The following SOX5 variants were observed in gnomAD, a reference collection of about 807,000 sequenced individuals.
The protein encoded by SOX5 is transcription factor SOX-5.
SOX5 carries 9 observed loss-of-function variants against 92.0 expected under a neutral mutation model. The observed-to-expected ratio is 0.10, with a 90% confidence interval of 0.06 to 0.17. The LOEUF is 0.17. Among genes scored for constraint, SOX5 ranks in the 10% least tolerant of loss-of-function variants. SOX5 has a pLI of 1.00. For missense variants in SOX5, 642 were observed against 944.5 expected (o/e 0.68, Z 4.20); for synonymous variants, 344 against 336.3 (o/e 1.02, Z -0.25).
intron 2 of SOX5, among the ~76,000 whole-genome samples, chr12:23,851,378 T>G (rs546183266): frequency 6.6e-6 from 1 of 152,168 alleles, no homozygotes; most frequent in Non-Finnish European, 1.5e-5. Flanking sequence ...TTTTCCAATA[T>G]TAATGTTCCT....
At chr12:24,274,720 T>C (rs1944232683) in intron 3 of SOX5, among the ~76,000 whole-genome samples, 1 of 151,782 alleles carries the variant, frequency 6.6e-6, no homozygotes, top group Non-Finnish European at 1.5e-5. Flanking sequence ...TTTTCTCACA[T>C]TGCTATCAAA....
intron 10 of SOX5, among the ~76,000 whole-genome samples, chr12:23,573,426 G>T (rs1948670170): frequency 6.6e-6 from 1 of 152,056 alleles, no homozygotes; most frequent in South Asian, 2.1e-4. Context: ...TTCTTTAATT[G>T]TCCTGCAGAA....
At chr12:24,244,024 A>C (rs568746433) in intron 3 of SOX5, among the ~76,000 whole-genome samples, 1 of 148,226 alleles carries the variant, frequency 6.7e-6, no homozygotes, top group Non-Finnish European at 1.5e-5. Flanking sequence ...AGGAAGATTT[A>C]AATTTTGAAT....
At chr12:23,868,826 C>G (rs1329022083) in intron 2 of SOX5, among the ~76,000 whole-genome samples, 1 of 151,974 alleles carries the variant, frequency 6.6e-6, no homozygotes, top group East Asian at 1.9e-4. Context: ...TGAGTATAAA[C>G]TAAATAATAA....
intron 2 of SOX5, among the ~76,000 whole-genome samples, chr12:24,352,228 C>T (rs1954174597): frequency 6.6e-6 from 1 of 152,176 alleles, no homozygotes; most frequent in African/African-American, 2.4e-5. Context: ...ATGCTACTGA[C>T]TAGCTACATG....
chr12:23,811,321 C>A (rs2095871942), intron 3 of SOX5, among the ~76,000 whole-genome samples: 1 of 152,122 alleles, frequency 6.6e-6, no homozygotes, highest in South Asian at 2.1e-4. Context: ...AGATTGCACT[C>A]ATATTGTTTG....
intron 4 of SOX5, among the ~76,000 whole-genome samples, chr12:24,060,947 G>C (rs1418660950): frequency 6.6e-6 from 1 of 152,072 alleles, no homozygotes; most frequent in South Asian, 2.1e-4. Context: ...CCATTTATTT[G>C]AAACAAAAAC....
In SOX5 at chr12:24,257,530, G is replaced by A. The variant is rs140207157; in HGVS notation, c.-77+19686C>T. ...GTCGCCCACGCTGGAGTGCAGTGGC[G>A]CAGTCTTGGCTCACTTCAACCTCTG... On this transcript the variant is annotated intron_variant, in intron 3 of 4. Transcript: ENST00000446891. Among the ~76,000 whole-genome samples, 20 of 152,050 alleles carry A rather than the reference G, an allele frequency of 1.3e-4. No individual in the cohort carries two copies. The East Asian group carries it at 1.4e-3, about 10-fold the overall frequency.
At chr12:24,310,000 AAT>A (rs1949014247) in intron 2 of SOX5, among the ~76,000 whole-genome samples, 1 of 152,182 alleles carries the variant, frequency 6.6e-6, no homozygotes, top group Non-Finnish European at 1.5e-5. Context: ...TACTAAGTCA[AAT>A]ATTATAAGGT....
chr12:23,539,007 G>C (rs1490813462), intron 13 of SOX5, among the ~76,000 whole-genome samples: 1 of 151,422 alleles, frequency 6.6e-6, no homozygotes, highest in Non-Finnish European at 1.5e-5. Context: ...GGGTTTCACC[G>C]TGTTAGCCAG....
At chr12:24,075,251 G>A (rs2958108) in intron 4 of SOX5, among the ~76,000 whole-genome samples, 2 of 116,434 alleles carry the variant, frequency 1.7e-5, no homozygotes, top group South Asian at 3.0e-4. Flanking sequence ...CCTGGGGCAA[G>A]AGAGTAAGAC....
chr12:23,711,978 A>G (rs375284767), intron 6 of SOX5, among the ~76,000 whole-genome samples: 2 of 152,194 alleles, frequency 1.3e-5, no homozygotes, highest in African/African-American at 4.8e-5. Flanking sequence ...ACAAAGATAT[A>G]TTATCTGTAT....
chr12:23,982,559 C>T (rs182083884), intron 4 of SOX5, among the ~76,000 whole-genome samples: 5 of 152,198 alleles, frequency 3.3e-5, no homozygotes, highest in African/African-American at 9.6e-5. Flanking sequence ...TTGCAGTAAT[C>T]GTGCTTTGGT....
chr12:23,825,263 T>A (rs2142868975), intron 3 of SOX5, among the ~76,000 whole-genome samples: 1 of 152,270 alleles, frequency 6.6e-6, no homozygotes, highest in East Asian at 1.9e-4. Flanking sequence ...GCGAAGACCA[T>A]GGGAAAAGCA....
intron 1 of SOX5, among the ~76,000 whole-genome samples, chr12:24,498,613 A>G (rs993276950): frequency 2.0e-5 from 3 of 152,166 alleles, no homozygotes; most frequent in African/African-American, 7.2e-5. Context: ...ACTGCCTCCT[A>G]TCTGTGAATG....
intron 4 of SOX5, among the ~76,000 whole-genome samples, chr12:23,998,404 A>C (rs1363218623): frequency 6.6e-6 from 1 of 152,178 alleles, no homozygotes; most frequent in African/African-American, 2.4e-5. Flanking sequence ...GTTAGAAGAA[A>C]AAAGAATGAT....
At chr12:23,770,201 T>C (rs779120317) in intron 3 of SOX5, among the ~76,000 whole-genome samples, 3 of 151,740 alleles carry the variant, frequency 2.0e-5, no homozygotes, top group Non-Finnish European at 4.4e-5. Context: ...ACTCACCTCT[T>C]CCCTCCTGCC....
chr12:23,846,440 A>C (rs2096576203), intron 2 of SOX5, among the ~76,000 whole-genome samples: 1 of 152,234 alleles, frequency 6.6e-6, no homozygotes, highest in Non-Finnish European at 1.5e-5. Context: ...GTACTAGAGT[A>C]AGTCAAAGAT....
At chr12:23,843,536 ATTTGACAGTCATTTCTCCTTTTTT>A (rs1260358110) in intron 3 of SOX5, among the ~76,000 whole-genome samples, 1 of 123,246 alleles carries the variant, frequency 8.1e-6, no homozygotes, top group African/African-American at 3.1e-5. Context: ...ACTTCAGAAT[ATTTGACAGTCATTTCTCCTTTTTT>A]TTTTTTTTTT....
Sources: gnomAD v4.1 joint callset for allele counts (sites outside exome capture counted in the v4.1 genomes callset) on GRCh38, gnomAD v4.1.1 for gene constraint, MANE v1.5 for transcripts, NCBI Gene and HGNC (gene_info 2026-07-23, HGNC 2026-07-21) for gene names.